The following TRAK2 variants were observed in gnomAD, a reference collection of about 807,000 sequenced individuals.
The protein encoded by TRAK2 is trafficking kinesin protein 2, also known as trafficking kinesin-binding protein 2.
A neutral mutation model predicts 104.6 loss-of-function variants in TRAK2; 81 were observed. The ratio of observed to expected loss-of-function variants is 0.77; its 90% CI spans 0.65 to 0.93. The LOEUF (loss-of-function observed/expected upper bound fraction) is 0.93. Among genes scored for constraint, TRAK2 ranks in the 40% least tolerant of loss-of-function variants. TRAK2 has a pLI of 0.00. For missense variants in TRAK2, 1,002 were observed against 1,089.0 expected, an observed-to-expected ratio of 0.92 and a Z score of 1.12; for synonymous variants, 406 against 394.4, an observed-to-expected ratio of 1.03 and a Z score of -0.35.
At chr2:201,411,161 C>T (rs1951643364) in intron 2 of TRAK2, 1 of 758,482 alleles carries the variant, frequency 1.3e-6, no homozygotes, top group African/African-American at 1.7e-5. Context: ...ACATATTATC[C>T]ATCAATGTGT....
intron 5 of TRAK2, among the ~76,000 whole-genome samples, chr2:201,399,162 A>G (rs533661564): frequency 6.6e-6 from 1 of 152,194 alleles, no homozygotes; most frequent in East Asian, 1.9e-4. Flanking sequence ...GATACTTAAT[A>G]TAGACTTTAA....
intron 2 of TRAK2, chr2:201,411,900 A>G: frequency 9.6e-7 from 1 of 1,037,248 alleles, no homozygotes; most frequent in Non-Finnish European, 1.5e-6. Context: ...AGATTTGCAA[A>G]GGTTGGAATG....
intron 11 of TRAK2, 133 bp from the exon 12 acceptor site, chr2:201,389,636 CT>C: frequency 9.0e-7 from 1 of 1,109,894 alleles, no homozygotes; most frequent in Non-Finnish European, 1.3e-6. Context: ...AGAAAATAAG[CT>C]TTCAAACAAG....
Position 201,380,698 on chromosome 2 carries a change from C to G in TRAK2, c.2590G>C (p.Gly864Arg), listed in dbSNP as rs1340268123. The change falls in exon 16 of 16, where the codon GGT (glycine) becomes CGT (arginine). Residue 864 changes from glycine to arginine, a missense_variant. Transcript: ENST00000332624. ...ENGRCQEAEI[G>R]PQKPDSAVYL... Reference sequence around the variant, plus strand: ...ACAGCAGAATCTGGTTTTTGAGGACCAATTTCTGCCTCCTGGCATCTTCCA... The same window carrying G: ...ACAGCAGAATCTGGTTTTTGAGGACGAATTTCTGCCTCCTGGCATCTTCCA... 3.7e-6 allele frequency: 6 copies of G among 1,613,914 alleles called. No homozygotes were observed. The highest frequency in any genetic ancestry group is 4.2e-6 in the Non-Finnish European group (5 of 1,179,986).
chr2:201,397,263 C>A (rs1951510751), intron 7 of TRAK2, among the ~76,000 whole-genome samples: 1 of 152,122 alleles, frequency 6.6e-6, no homozygotes, highest in Non-Finnish European at 1.5e-5. Flanking sequence ...CTATAACTTA[C>A]TTACAAAACA....
intron 1 of TRAK2, among the ~76,000 whole-genome samples, chr2:201,428,582 T>C (rs192923842): frequency 3.3e-5 from 5 of 152,380 alleles, no homozygotes; most frequent in Non-Finnish European, 4.4e-5. Flanking sequence ...CTTTGTAATA[T>C]AGTTTGAAGT....
chr2:201,427,782 C>T (rs1951803373), intron 1 of TRAK2, among the ~76,000 whole-genome samples: 1 of 152,164 alleles, frequency 6.6e-6, no homozygotes, highest in South Asian at 2.1e-4. Flanking sequence ...GTTTACGCTC[C>T]CACCAACAGT....
At chr2:201,436,152 G>GA (rs926196256) in intron 1 of TRAK2, among the ~76,000 whole-genome samples, 6 of 151,046 alleles carry the variant, frequency 4.0e-5, no homozygotes, top group East Asian at 1.9e-4. Context: ...ATTAAAAAAG[G>GA]AAAAAAAACA....
In TRAK2 at chr2:201,386,164, G is replaced by C. The variant is rs143735590; in HGVS notation, c.1963+54C>G. 2.5e-6 allele frequency: 4 copies of C among 1,596,046 alleles called. No homozygotes were observed. The East Asian group carries it at 9.0e-5, about 36-fold the overall frequency. On this transcript the variant is annotated intron_variant, in intron 14 of 15. Coordinates refer to ENST00000332624, the MANE Select transcript of TRAK2 (RefSeq NM_015049.3). ...AGCCAGCTGACTGTCTAGTAAGTCA[G>C]AATGCAAAGTACTTCTGGTTATTAT...
chr2:201,385,237 T>C (rs935908186), intron 14 of TRAK2, among the ~76,000 whole-genome samples: 12 of 152,312 alleles, frequency 7.9e-5, no homozygotes, highest in African/African-American at 2.9e-4. Context: ...CATAACTCCA[T>C]GAACCAATCA....
rs538908013 is a variant in TRAK2, at chr2:201,418,835, C to T, written c.91+1582G>A. On this transcript the variant is annotated intron_variant, in intron 2 of 15. Coordinates refer to ENST00000332624, the MANE Select transcript of TRAK2 (RefSeq NM_015049.3). The stretch of plus-strand genomic sequence containing the variant: ...CTTTTATGTGCAGATTTCTTAGAAA[C>T]GACACAAAAATATGAATTATAGTAG... Among the ~76,000 whole-genome samples, 418 of 152,056 alleles carry T rather than the reference C, an allele frequency of 2.7e-3. 3 individuals carry two copies. Among genetic ancestry groups the T allele is most frequent in the African/African-American group, 8.9e-3 (368 of 41,488 alleles).
intron 1 of TRAK2, among the ~76,000 whole-genome samples, chr2:201,424,627 G>A (rs1320820589): frequency 6.7e-6 from 1 of 150,340 alleles, no homozygotes; most frequent in Non-Finnish European, 1.5e-5. Context: ...TTTTGAGACA[G>A]AGTCTCACTC....
At chr2:201,404,697 TACC>T (rs1307976798) in intron 3 of TRAK2, among the ~76,000 whole-genome samples, 3 of 152,236 alleles carry the variant, frequency 2.0e-5, no homozygotes, top group Admixed American at 6.5e-5. Flanking sequence ...CTAAAGTTTT[TACC>T]ACAACTATAG....
In TRAK2 at chr2:201,392,014, G is replaced by A. The variant is rs538625579; in HGVS notation, c.1113+895C>T. 4.6e-5 allele frequency among the ~76,000 whole-genome samples: 7 copies of A among 152,060 alleles called. No individual in the cohort carries two copies. The South Asian group carries it at 6.2e-4, about 14-fold the overall frequency. Reference sequence around the variant, plus strand: ...TTCCTGATGCTGATGGTTGTAGTGCGTTTATGTAGGACAGTGTCCTTAAGA... The same window carrying A: ...TTCCTGATGCTGATGGTTGTAGTGCATTTATGTAGGACAGTGTCCTTAAGA... On this transcript the variant is annotated intron_variant, in intron 10 of 15. Coordinates refer to ENST00000332624, the MANE Select transcript of TRAK2 (RefSeq NM_015049.3).
chr2:201,417,886 A>T (rs1050399439), intron 2 of TRAK2, among the ~76,000 whole-genome samples: 10 of 152,230 alleles, frequency 6.6e-5, no homozygotes, highest in Non-Finnish European at 1.3e-4. Flanking sequence ...GGTCAACATT[A>T]AAAAAATCAA....
intron 2 of TRAK2, among the ~76,000 whole-genome samples, chr2:201,415,452 G>A (rs1189419228): frequency 6.6e-6 from 1 of 152,026 alleles, no homozygotes; most frequent in Non-Finnish European, 1.5e-5. Context: ...TTAATAAGCA[G>A]CAATTTTTTA....
intron 1 of TRAK2, among the ~76,000 whole-genome samples, chr2:201,424,340 A>G (rs1576529284): frequency 6.6e-6 from 1 of 152,202 alleles, no homozygotes; most frequent in East Asian, 1.9e-4. Context: ...TTTAAATTCT[A>G]ACACTCCAAA....
chr2:201,377,533 C>T lies in TRAK2; in HGVS notation c.*3010G>A, dbSNP rs557216093. 18 of 152,522 alleles carry T rather than the reference C, an allele frequency of 1.2e-4. No homozygotes were observed. The highest frequency in any genetic ancestry group is 1.6e-4 in the Non-Finnish European group (11 of 68,024). The allele number at this position is 152,522 out of a possible 1,614,324, so 9.4% of individuals were successfully genotyped here. A position where few individuals can be genotyped will look rare whatever the true frequency, so the allele number is the denominator to read the frequency against. On this transcript the variant is annotated 3_prime_UTR_variant, in exon 16 of 16. Transcript: ENST00000332624. ...GTAACCACCAAGTACTAATTCTGTACTAAAATGGTCAGAAAAGATAACAAG... is the reference window on the plus strand; with the variant it reads ...GTAACCACCAAGTACTAATTCTGTATTAAAATGGTCAGAAAAGATAACAAG...
At chr2:201,444,185 A>C (rs1951947524) in intron 1 of TRAK2, among the ~76,000 whole-genome samples, 1 of 152,114 alleles carries the variant, frequency 6.6e-6, no homozygotes, top group South Asian at 2.1e-4. Context: ...TGGGTGACAG[A>C]GTGAGACTCT....
Sources: gnomAD v4.1 joint callset for allele counts (sites outside exome capture counted in the v4.1 genomes callset) on GRCh38, gnomAD v4.1.1 for gene constraint, MANE v1.5 for transcripts, NCBI Gene and HGNC (gene_info 2026-07-23, HGNC 2026-07-21) for gene names.